ATP6V1C2: variants seen among roughly 807,000 people sequenced by gnomAD.
ATP6V1C2 encodes ATPase H+ transporting V1 subunit C2, also known as V-type proton ATPase subunit C 2.
A neutral mutation model predicts 56.8 loss-of-function variants in ATP6V1C2; 45 were observed. That is an observed-to-expected ratio of 0.79 (90% confidence interval 0.62 to 1.02). The LOEUF is 1.02. Among genes scored for constraint, ATP6V1C2 ranks in the 50% least tolerant of loss-of-function variants. The pLI is 0.00. For missense variants in ATP6V1C2, 463 were observed against 519.7 expected (o/e 0.89, Z 1.06); for synonymous variants, 220 against 201.3 (o/e 1.09, Z -0.79).
chr2:10,779,394 C>A lies in ATP6V1C2; in HGVS notation c.1061+725C>A, dbSNP rs183029854. Among the ~76,000 whole-genome samples, 44 of 142,578 alleles carry A rather than the reference C, an allele frequency of 3.1e-4. No individual in the cohort carries two copies. In the Middle Eastern group the frequency reaches 0.011, roughly 35 times the overall value. The allele number at this position is 142,578 out of a possible 152,430, so 93.5% of individuals were successfully genotyped here. A position where few individuals can be genotyped will look rare whatever the true frequency, so the allele number is the denominator to read the frequency against. On this transcript the variant is annotated intron_variant, in intron 12 of 13. Transcript: ENST00000272238. ...CAAATGTTGGGATTACAGGCGCGAG[C>A]CACCATGCCCGGCCTTTGCCTAATA...
At chr2:10,742,404 A>G (rs371970398) in intron 3 of ATP6V1C2, among the ~76,000 whole-genome samples, 115 of 152,222 alleles carry the variant, frequency 7.6e-4, no homozygotes, top group African/African-American at 2.6e-3. Context: ...CAAAGAAGGG[A>G]GCGGCCTGTG....
At chr2:10,782,875 T>C (rs1182886500) in intron 13 of ATP6V1C2, among the ~76,000 whole-genome samples, 1 of 105,772 alleles carries the variant, frequency 9.5e-6, no homozygotes, top group Admixed American at 1.1e-4. Context: ...TTGCCAGGAG[T>C]GGTGGTGCAT....
intron 3 of ATP6V1C2, among the ~76,000 whole-genome samples, chr2:10,730,842 G>A (rs1021141161): frequency 4.6e-5 from 7 of 151,824 alleles, no homozygotes; most frequent in Non-Finnish European, 7.4e-5. Context: ...TAGTAGAGAC[G>A]GGATTTCTCC....
Position 10,783,479 on chromosome 2 carries a change from T to TGAATGTTTTACATAAATGC in ATP6V1C2, c.*220_*238dup, listed in dbSNP as rs1239092485. 3 of 468,920 alleles carry TGAATGTTTTACATAAATGC rather than the reference T, an allele frequency of 6.4e-6. No homozygotes were observed. The highest frequency in any genetic ancestry group is 5.9e-5 in the African/African-American group (3 of 50,432). 29.0% of individuals were successfully genotyped at this position (468,920 alleles called of 1,614,324 possible). ...CCAACAAATTCAAAACTTCATTTTC[T>TGAATGTTTTACATAAATGC]GAATGTTTTACATAAATGCGAACTA... is the stretch of plus-strand genomic sequence containing the variant. On this transcript the variant is annotated 3_prime_UTR_variant, in exon 14 of 14. Transcript: ENST00000272238.
intron 4 of ATP6V1C2, among the ~76,000 whole-genome samples, chr2:10,754,329 G>A (rs962179510): frequency 6.6e-6 from 1 of 152,000 alleles, no homozygotes; most frequent in East Asian, 1.9e-4. Flanking sequence ...GGGTTCAAGC[G>A]ATTCTCCTGT....
Position 10,784,440 on chromosome 2 carries a change from T to C in ATP6V1C2, c.*1177T>C, listed in dbSNP as rs1419531720. ...GGAGCTACTCCTGCTACAATCCAGGTTCTCCTCAGTCTGACTCCTACCCTG... is the reference window on the plus strand; with the variant it reads ...GGAGCTACTCCTGCTACAATCCAGGCTCTCCTCAGTCTGACTCCTACCCTG... On this transcript the variant is annotated 3_prime_UTR_variant, in exon 14 of 14. Transcript: ENST00000272238. 7.8e-6 allele frequency: 6 copies of C among 771,058 alleles called. No homozygotes were observed. Among genetic ancestry groups the C allele is most frequent in the Non-Finnish European group, 1.0e-5 (5 of 482,422 alleles). The allele number at this position is 771,058 out of a possible 1,614,324, so 47.8% of individuals were successfully genotyped here.
At chr2:10,766,903 A>C (rs2148485586) in intron 5 of ATP6V1C2, among the ~76,000 whole-genome samples, 1 of 152,294 alleles carries the variant, frequency 6.6e-6, no homozygotes, top group South Asian at 2.1e-4. Flanking sequence ...TATAGTGCAG[A>C]ATAGTATAGT....
chr2:10,733,893 G>A (rs1662108815), intron 3 of ATP6V1C2, among the ~76,000 whole-genome samples: 1 of 108,438 alleles, frequency 9.2e-6, no homozygotes, highest in Admixed American at 1.0e-4. Flanking sequence ...TACCCACATG[G>A]TTCCATGGAG....
In ATP6V1C2 at chr2:10,757,075, C is replaced by T. The variant is rs982048046; in HGVS notation, c.283+3009C>T. 1.2e-4 allele frequency among the ~76,000 whole-genome samples: 16 copies of T among 133,406 alleles called. No homozygotes were observed. In the East Asian group the frequency reaches 2.3e-3, roughly 19 times the overall value. The allele number at this position is 133,406 out of a possible 152,430, so 87.5% of individuals were successfully genotyped here. On this transcript the variant is annotated intron_variant, in intron 4 of 13. Coordinates refer to ENST00000272238, the MANE Select transcript of ATP6V1C2 (RefSeq NM_001039362.2). ...TTACCCAGGCTGGAGTGCAGTGGCG[C>T]GATCTCAGCTCACCGCAACCTCTGC...
In ATP6V1C2 at chr2:10,775,096, T is replaced by TC. The variant is rs773609722; in HGVS notation, c.825+28dup. On this transcript the variant is annotated intron_variant, in intron 10 of 13. Transcript: ENST00000272238. The stretch of plus-strand genomic sequence containing the variant: ...TGTGAGTATGTGATTGAGCAGCTCC[T>TC]CCCGCCCCTACCCGGAGGCCTGGGG... 5.1e-6 allele frequency: 8 copies of TC among 1,580,666 alleles called. No individual in the cohort carries two copies. The South Asian group carries it at 8.9e-5, about 18-fold the overall frequency.
At chr2:10,747,269 A>C (rs1174253478) in intron 3 of ATP6V1C2, among the ~76,000 whole-genome samples, 2 of 152,170 alleles carry the variant, frequency 1.3e-5, no homozygotes, top group Non-Finnish European at 2.9e-5. Context: ...ACTCAGTCTC[A>C]AAAAAAGAAA....
At chr2:10,775,825 C>T (rs975286784) in intron 10 of ATP6V1C2, among the ~76,000 whole-genome samples, 4 of 152,158 alleles carry the variant, frequency 2.6e-5, no homozygotes, top group African/African-American at 9.7e-5. Flanking sequence ...TGGGACCCTT[C>T]TTCCTCATGC....
intron 3 of ATP6V1C2, among the ~76,000 whole-genome samples, chr2:10,729,376 C>CTGACA (rs1362458667): frequency 4.6e-5 from 7 of 151,934 alleles, no homozygotes; most frequent in Non-Finnish European, 7.4e-5. Context: ...GTCGGCCAGG[C>CTGACA]TGGTCTCGAA....
At chr2:10,747,796 T>G (rs1663002133) in intron 3 of ATP6V1C2, among the ~76,000 whole-genome samples, 1 of 152,194 alleles carries the variant, frequency 6.6e-6, no homozygotes, top group African/African-American at 2.4e-5. Context: ...TGTCATAAAT[T>G]GTCATGTCTC....
intron 12 of ATP6V1C2, 112 bp downstream of exon 12, chr2:10,778,781 T>A (rs1665162024): frequency 5.0e-6 from 5 of 1,007,446 alleles, no homozygotes; most frequent in Admixed American, 2.0e-5. Flanking sequence ...CCGTCTCCTT[T>A]CTGAGACTGT....
Position 10,754,061 on chromosome 2 carries a change from A to G in ATP6V1C2, c.278A>G (p.Asn93Ser), listed in dbSNP as rs1184914055. 1.9e-6 allele frequency: 3 copies of G among 1,600,300 alleles called. No homozygotes were observed. Among genetic ancestry groups the G allele is most frequent in the Non-Finnish European group, 2.6e-6 (3 of 1,172,088 alleles). ...KGKVQEHLLA[N>S]GVDLTSFVTH... The stretch of plus-strand genomic sequence containing the variant: ...AAGGTCCAGGAGCACCTCCTGGCAA[A>G]CGGAGGTAGGTAGGGCGGCCCTCTG... Residue 93 changes from asparagine (N) to serine (S), a missense_variant, in exon 4 of 14, where the codon AAC becomes AGC. Coordinates refer to ENST00000272238, the MANE Select transcript of ATP6V1C2 (RefSeq NM_001039362.2).
chr2:10,778,372 G>A (rs1280685348), intron 11 of ATP6V1C2, 200 bp from the exon 12 acceptor site: 5 of 582,768 alleles, frequency 8.6e-6, no homozygotes, highest in Admixed American at 3.0e-5. Context: ...TGGCTGGCCC[G>A]CTGAGCTTCC....
Position 10,780,652 on chromosome 2 carries a change from C to A in ATP6V1C2, c.1062-1591C>A, listed in dbSNP as rs1179679645. On this transcript the variant is annotated intron_variant, in intron 12 of 13. Transcript: ENST00000272238. The surrounding 1 kb of genome is among the most constrained non-coding windows in gnomAD (Gnocchi z 4.1). ...GCTCAGAAGTCGGTTGCTCTCAGGC[C>A]TAACGGCCTAACACAGTGAAGCCTG... Among the ~76,000 whole-genome samples, 1 of 151,128 alleles carries A rather than the reference C, an allele frequency of 6.6e-6. No homozygotes were observed. Among genetic ancestry groups the A allele is most frequent in the African/African-American group, 2.5e-5 (1 of 40,382 alleles).
chr2:10,728,299 GC>G (rs1326933804), intron 3 of ATP6V1C2, among the ~76,000 whole-genome samples: 9 of 152,120 alleles, frequency 5.9e-5, no homozygotes. Context: ...TCCCAGGCTG[GC>G]CTTGAACTCC....
Sources: allele counts gnomAD v4.1 joint callset (sites outside exome capture counted in the v4.1 genomes callset), GRCh38; gene constraint gnomAD v4.1.1; non-coding constraint Gnocchi (gnomAD v3.1); transcripts MANE v1.5; gene names NCBI Gene and HGNC (gene_info 2026-07-23, HGNC 2026-07-21).